Variants in ZNF618 observed in about 807,000 individuals in gnomAD.
The protein encoded by ZNF618 is neural precursor cell expressed, developmentally down-regulated 10.
In ZNF618, 34 loss-of-function variants were observed where a neutral mutation model predicts 103.0. That is an observed-to-expected ratio of 0.33 (90% CI 0.25 to 0.44). The LOEUF is 0.44. Among genes scored for constraint, ZNF618 ranks in the 20% least tolerant of loss-of-function variants. The pLI is 1.00. For missense variants in ZNF618, 1,059 were observed against 1,295.4 expected, an observed-to-expected ratio of 0.82 and a Z score of 2.80; for synonymous variants, 551 against 542.2, an observed-to-expected ratio of 1.02 and a Z score of -0.23.
At chr9:113,970,765 C>G (rs1432605070) in intron 2 of ZNF618, among the ~76,000 whole-genome samples, 1 of 151,612 alleles carries the variant, frequency 6.6e-6, no homozygotes, top group Non-Finnish European at 1.5e-5. Context: ...GGTGTGTGGC[C>G]TTCATAGCCT....
At chr9:114,035,466 C>T (rs539144840) in intron 12 of ZNF618, among the ~76,000 whole-genome samples, 2 of 152,212 alleles carry the variant, frequency 1.3e-5, no homozygotes, top group Non-Finnish European at 2.9e-5. Flanking sequence ...GCTCTGCTGC[C>T]CCAGCCCTGG....
intron 1 of ZNF618, among the ~76,000 whole-genome samples, chr9:113,937,848 A>G (rs1398420311): frequency 6.7e-6 from 1 of 150,210 alleles, no homozygotes; most frequent in African/African-American, 2.5e-5. Context: ...TAGTCTTTTA[A>G]ATTGATCAGT....
In ZNF618 at chr9:114,049,464, T is replaced by A. The variant is rs951390745; in HGVS notation, c.2162T>A (p.Met721Lys). ...GAGTTCTACAGCCGGGCCAAGAAGA[T>A]GAACCTCATCCAGAGCCTCAACAAG... ...ICEFYSRAKKMNLIQSLNKHL... is the reference protein window; with the variant it reads ...ICEFYSRAKKKNLIQSLNKHL... The change falls in exon 15 of 15, where the codon ATG becomes AAG. Residue 721 changes from methionine to lysine, a missense_variant. By Grantham distance (95) the Met-to-Lys change is moderately conservative (BLOSUM62 -1). This residue lies in a region of ZNF618 where 272 missense variants were observed against 380.1 expected (regional missense o/e 0.72). Coordinates refer to ENST00000374126, the MANE Select transcript of ZNF618 (RefSeq NM_001318042.2). 2.4e-5 allele frequency: 39 copies of A among 1,611,148 alleles called. No individual in the cohort carries two copies. Among genetic ancestry groups the A allele is most frequent in the Non-Finnish European group, 3.2e-5 (38 of 1,178,740 alleles).
At chr9:113,959,908 C>T (rs1417950706) in intron 1 of ZNF618, among the ~76,000 whole-genome samples, 2 of 152,222 alleles carry the variant, frequency 1.3e-5, no homozygotes, top group African/African-American at 4.8e-5. Context: ...CACGCCCGGC[C>T]CCCTTCTCCT....
At chr9:113,950,724 G>A (rs139420942) in intron 1 of ZNF618, among the ~76,000 whole-genome samples, 3 of 152,198 alleles carry the variant, frequency 2.0e-5, no homozygotes, top group Non-Finnish European at 2.9e-5. Flanking sequence ...GCTGGGAAGA[G>A]TAGACATCAG....
chr9:114,020,636 G>A (rs1842992230), intron 10 of ZNF618, among the ~76,000 whole-genome samples: 1 of 151,888 alleles, frequency 6.6e-6, no homozygotes, highest in African/African-American at 2.4e-5. Context: ...ATCAATCTTT[G>A]TGTATTGAAT....
intron 10 of ZNF618, 93 bp from the exon 11 acceptor site, chr9:114,028,640 T>A: frequency 6.9e-7 from 1 of 1,457,744 alleles, no homozygotes; most frequent in Non-Finnish European, 9.1e-7. Flanking sequence ...ACAGAGACAG[T>A]CCCAACCCTG....
intron 2 of ZNF618, among the ~76,000 whole-genome samples, chr9:113,986,837 G>A (rs1005754368): frequency 6.6e-6 from 1 of 152,178 alleles, no homozygotes; most frequent in Non-Finnish European, 1.5e-5. Context: ...CACCTTGGAT[G>A]AAAGCTGAAG....
At chr9:114,048,505 A>T in intron 14 of ZNF618, 146 bp from the exon 15 acceptor site, 1 of 806,872 alleles carries the variant, frequency 1.2e-6, no homozygotes, top group Non-Finnish European at 1.9e-6. Context: ...ATCATATATT[A>T]AAGGCAGCCA....
At position 113,930,977 on chromosome 9, in the gene ZNF618, C is replaced by G. The variant is rs535723095; in HGVS notation, c.34-38140C>G. ...TTAAATTGTGTGATAATTACTCCCC[C>G]TTCATTAGAATACTGGGGGAAATAC... On this transcript the variant is annotated intron_variant, in intron 1 of 14. Transcript: ENST00000374126. Among the ~76,000 whole-genome samples, 26 of 152,328 alleles carry G rather than the reference C, an allele frequency of 1.7e-4. No individual in the cohort carries two copies. In the East Asian group the frequency reaches 4.6e-3, roughly 27 times the overall value.
Position 113,965,216 on chromosome 9 carries a change from C to T in ZNF618, c.34-3901C>T, listed in dbSNP as rs1407248254. 5.3e-5 allele frequency among the ~76,000 whole-genome samples: 8 copies of T among 152,116 alleles called. No homozygotes were observed. In the East Asian group the frequency reaches 1.5e-3, roughly 29 times the overall value. On this transcript the variant is annotated intron_variant, in intron 1 of 14. Coordinates refer to ENST00000374126, the MANE Select transcript of ZNF618 (RefSeq NM_001318042.2). ...GTTGGCCAGCCCCCATCCTGGAGCA[C>T]ACGAATTGCCTGTTTCTGCCATTTG...
At chr9:113,895,850 A>G (rs906341452) in intron 1 of ZNF618, among the ~76,000 whole-genome samples, 5 of 152,038 alleles carry the variant, frequency 3.3e-5, no homozygotes, top group African/African-American at 1.2e-4. Flanking sequence ...GTTTTTGGAG[A>G]TAATTATTTT....
At chr9:113,888,297 C>T (rs1829267489) in intron 1 of ZNF618, among the ~76,000 whole-genome samples, 1 of 152,228 alleles carries the variant, frequency 6.6e-6, no homozygotes, top group Non-Finnish European at 1.5e-5. Context: ...GTGGATTGTT[C>T]TGAGCCATGG....
rs930680773 is a variant in ZNF618 at position 114,054,842 on chromosome 9, C to G, written c.*4675C>G. ...GAGCCCTGGCTTTCACCAAAGGAGCCCAGTGGTTTCTGTGGAAGAGGCGCC... is the reference window on the plus strand; with the variant it reads ...GAGCCCTGGCTTTCACCAAAGGAGCGCAGTGGTTTCTGTGGAAGAGGCGCC... On this transcript the variant is annotated 3_prime_UTR_variant, in exon 15 of 15. Coordinates refer to ENST00000374126, the MANE Select transcript of ZNF618 (RefSeq NM_001318042.2). 2 of 152,320 alleles carry G rather than the reference C, an allele frequency of 1.3e-5. No homozygotes were observed. The highest frequency in any genetic ancestry group is 1.3e-4 in the Admixed American group (2 of 15,278). The allele number at this position is 152,320 out of a possible 1,614,324, so 9.4% of individuals were successfully genotyped here. A position where few individuals can be genotyped will look rare whatever the true frequency, so the allele number is the denominator to read the frequency against.
rs1778866008 is a variant in ZNF618 at position 113,998,332 on chromosome 9, C to T, written c.411C>T (p.Asp137=). 3.9e-6 allele frequency: 6 copies of T among 1,550,540 alleles called. No individual in the cohort carries two copies. The highest frequency in any genetic ancestry group is 5.2e-6 in the Non-Finnish European group (6 of 1,147,000). The change falls in exon 4 of 15, where the codon GAC becomes GAT. Residue 137 remains aspartate (D), a synonymous_variant. Coordinates refer to ENST00000374126, the MANE Select transcript of ZNF618 (RefSeq NM_001318042.2). ...GGTATTCAGGGACCTGGATTTTTGA[C>T]CAAGCATTGAGATATGCATCTGGTA... ...RSRYSGTWIF[D]QALRYASGSY...
Position 113,903,475 on chromosome 9 carries a change from G to GTT in ZNF618, c.33+27073_33+27074dup, listed in dbSNP as rs11439947. ...TGTTAGCCCCAATAAATCTGCCTCT[G>GTT]TTTTTTTTTTTTAATCAACACTCAG... On this transcript the variant is annotated intron_variant, in intron 1 of 14. Coordinates refer to ENST00000374126, the MANE Select transcript of ZNF618 (RefSeq NM_001318042.2). 2.3e-4 allele frequency among the ~76,000 whole-genome samples: 34 copies of GTT among 144,738 alleles called. No homozygotes were observed. The South Asian group carries it at 2.9e-3, about 12-fold the overall frequency. The allele number at this position is 144,738 out of a possible 152,430, so 95.0% of individuals were successfully genotyped here.
chr9:114,045,518 C>T (rs1169564223), intron 13 of ZNF618, among the ~76,000 whole-genome samples: 2 of 151,990 alleles, frequency 1.3e-5, no homozygotes, highest in Non-Finnish European at 2.9e-5. Context: ...TGTCAAAACT[C>T]AGTTGACCAT....
At chr9:114,032,122 G>A (rs931853262) in intron 11 of ZNF618, among the ~76,000 whole-genome samples, 2 of 152,212 alleles carry the variant, frequency 1.3e-5, no homozygotes, top group African/African-American at 4.8e-5. Flanking sequence ...CTCTGGGGGT[G>A]TGGGGCTACC....
intron 2 of ZNF618, among the ~76,000 whole-genome samples, chr9:113,976,319 G>A (rs1268459766): frequency 6.6e-6 from 1 of 152,180 alleles, no homozygotes; most frequent in Non-Finnish European, 1.5e-5. Flanking sequence ...GTGAACCTGT[G>A]GCTGTTAGTT....
Sources: gnomAD v4.1 joint callset for allele counts (sites outside exome capture counted in the v4.1 genomes callset) on GRCh38, gnomAD v4.1.1 for gene constraint, gnomAD v4.1.1 regional missense constraint, MANE v1.5 for transcripts, NCBI Gene and HGNC (gene_info 2026-07-23, HGNC 2026-07-21) for gene names.